The following PCTP variants were observed in gnomAD, a reference collection of about 807,000 sequenced individuals.
The protein encoded by PCTP is phosphatidylcholine transfer protein, also known as START domain-containing protein 2.
A neutral mutation model predicts 31.0 loss-of-function variants in PCTP; 27 were observed. That is an observed-to-expected ratio of 0.87 (90% confidence interval 0.64 to 1.20). The LOEUF is 1.20. Among genes scored for constraint, PCTP ranks in the 50% most tolerant of loss-of-function variants. PCTP has a pLI of 0.00. For missense variants in PCTP, 287 were observed against 268.2 expected (o/e 1.07, Z -0.49); for synonymous variants, 108 against 101.2 (o/e 1.07, Z -0.40).
downstream of PCTP, among the ~76,000 whole-genome samples, chr17:55,823,740 A>G (rs1905306878): frequency 6.6e-6 from 1 of 152,180 alleles, no homozygotes; most frequent in African/African-American, 2.4e-5. Context: ...CTATGTGGCA[A>G]CTGTTTTGGA....
chr17:55,785,457 C>T (rs1425613777), intron 2 of PCTP, among the ~76,000 whole-genome samples: 1 of 152,162 alleles, frequency 6.6e-6, no homozygotes, highest in African/African-American at 2.4e-5. Context: ...TAAGCCAAGA[C>T]ACACTGGAAC....
intron 5 of PCTP, among the ~76,000 whole-genome samples, chr17:55,836,532 T>G (rs1905783088): frequency 6.6e-6 from 1 of 152,218 alleles, no homozygotes; most frequent in Non-Finnish European, 1.5e-5. Context: ...GCATATTCTT[T>G]GCAGAACTGG....
intron 5 of PCTP, among the ~76,000 whole-genome samples, chr17:55,840,316 C>T (rs981063664): frequency 3.9e-5 from 6 of 152,148 alleles, no homozygotes; most frequent in Admixed American, 2.0e-4. Context: ...TGTAGATTCC[C>T]CAGAGGGAAG....
At chr17:55,794,156 C>T (rs1374274013) in intron 3 of PCTP, among the ~76,000 whole-genome samples, 2 of 152,158 alleles carry the variant, frequency 1.3e-5, no homozygotes, top group South Asian at 2.1e-4. Flanking sequence ...ACCAATACAG[C>T]CATATTTAAT....
chr17:55,768,097 A>AG (rs1910788707), intron 2 of PCTP, among the ~76,000 whole-genome samples: 1 of 151,982 alleles, frequency 6.6e-6, no homozygotes, highest in African/African-American at 2.4e-5. Context: ...AAAAAAAAAA[A>AG]AAGTCTAATC....
downstream of PCTP, among the ~76,000 whole-genome samples, chr17:55,825,556 A>C (rs1447097988): frequency 2.0e-5 from 3 of 152,258 alleles, no homozygotes; most frequent in Non-Finnish European, 4.4e-5. Flanking sequence ...ACATCTGAGT[A>C]AACTTCCAAA....
chr17:55,758,009 G>A (rs776871951), intron 1 of PCTP, among the ~76,000 whole-genome samples: 5 of 152,128 alleles, frequency 3.3e-5, no homozygotes, highest in Non-Finnish European at 5.9e-5. Flanking sequence ...AAGGGCCATG[G>A]GTCACTTAGA....
At chr17:55,772,935 G>A (rs1911092853) in intron 3 of PCTP, among the ~76,000 whole-genome samples, 1 of 152,118 alleles carries the variant, frequency 6.6e-6, no homozygotes, top group Non-Finnish European at 1.5e-5. Context: ...GTCTTTGTAA[G>A]GATCCAAATT....
chr17:55,826,248 T>A (rs1043463912), downstream of PCTP, among the ~76,000 whole-genome samples: 4 of 152,158 alleles, frequency 2.6e-5, no homozygotes, highest in Non-Finnish European at 5.9e-5. Flanking sequence ...AACATCCTCA[T>A]GTGGCCTCCT....
At chr17:55,766,710 C>A (rs1050623892) in intron 1 of PCTP, among the ~76,000 whole-genome samples, 1 of 152,158 alleles carries the variant, frequency 6.6e-6, no homozygotes, top group South Asian at 2.1e-4. Flanking sequence ...TGAATAGAGC[C>A]GCAGTAAACA....
intron 3 of PCTP, among the ~76,000 whole-genome samples, chr17:55,805,988 T>G (rs1478630120): frequency 6.6e-6 from 1 of 151,902 alleles, no homozygotes; most frequent in Non-Finnish European, 1.5e-5. Context: ...GAAAACATTT[T>G]TATTCTTCTC....
chr17:55,775,972 T>G, intron 5 of PCTP, 63 bp from the exon 6 acceptor site: 1 of 1,593,476 alleles, frequency 6.3e-7, no homozygotes, highest in African/African-American at 1.4e-5. Context: ...TTCTGCCACA[T>G]CCCAAAGAAT....
intron 5 of PCTP, among the ~76,000 whole-genome samples, chr17:55,835,097 T>G (rs1229015196): frequency 6.6e-6 from 1 of 152,132 alleles, no homozygotes; most frequent in East Asian, 1.9e-4. Context: ...GGAGTGATGC[T>G]GCCACAAGCT....
intron 3 of PCTP, among the ~76,000 whole-genome samples, chr17:55,819,190 CA>C (rs1913033378): frequency 6.6e-6 from 1 of 152,062 alleles, no homozygotes; most frequent in South Asian, 2.1e-4. Context: ...GAACAAACCA[CA>C]GCTAACATAC....
intron 2 of PCTP, chr17:55,768,948 A>G (rs1339291610): frequency 6.6e-6 from 1 of 152,228 alleles, no homozygotes; most frequent in Non-Finnish European, 1.5e-5. Context: ...AACTAAAGAC[A>G]GTGTAAGAAG....
Position 55,776,816 on chromosome 17 carries a change from T to A in PCTP, c.*716T>A. 9.7e-7 allele frequency: 1 copy of A among 1,035,726 alleles called. No individual in the cohort carries two copies. Among genetic ancestry groups the A allele is most frequent in the Non-Finnish European group, 1.2e-6 (1 of 863,478 alleles). The allele number at this position is 1,035,726 out of a possible 1,614,324, so 64.2% of individuals were successfully genotyped here. A position where few individuals can be genotyped will look rare whatever the true frequency, so the allele number is the denominator to read the frequency against. ...TTTTTCCTCATCATCCATGAGGAAA[T>A]GGATGATTTCTCTTTTCCATATGTC... On this transcript the variant is annotated 3_prime_UTR_variant, in exon 6 of 6. Coordinates refer to ENST00000268896, the MANE Select transcript of PCTP (RefSeq NM_021213.4).
intron 2 of PCTP, among the ~76,000 whole-genome samples, chr17:55,783,843 G>A (rs1012720675): frequency 6.6e-6 from 1 of 152,174 alleles, no homozygotes; most frequent in African/African-American, 2.4e-5. Context: ...GCTAGGAAAT[G>A]TGACTTCAGC....
chr17:55,808,877 A>G (rs1912660435), intron 3 of PCTP, among the ~76,000 whole-genome samples: 1 of 152,224 alleles, frequency 6.6e-6, no homozygotes, highest in South Asian at 2.1e-4. Flanking sequence ...TATTTTATGT[A>G]TAGTTTCTAA....
At chr17:55,838,055 C>T (rs758579231) in intron 5 of PCTP, among the ~76,000 whole-genome samples, 25 of 152,150 alleles carry the variant, frequency 1.6e-4, no homozygotes, top group Admixed American at 6.5e-5. Context: ...ACAGGAGAAT[C>T]TCTTGAGCCC....
Sources: allele counts gnomAD v4.1 joint callset (sites outside exome capture counted in the v4.1 genomes callset), GRCh38; gene constraint gnomAD v4.1.1; transcripts MANE v1.5; gene names NCBI Gene and HGNC (gene_info 2026-07-23, HGNC 2026-07-21).